The following IGF2 variants were observed in gnomAD, a reference collection of about 807,000 sequenced individuals.
IGF2 encodes insulin like growth factor 2.
IGF2 carries 2 observed loss-of-function variants against 12.0 expected under a neutral mutation model. The ratio of observed to expected loss-of-function variants is 0.17; its 90% CI spans 0.07 to 0.52. The LOEUF (loss-of-function observed/expected upper bound fraction) is 0.52, where lower values mean the gene tolerates loss of function less well. IGF2 is among the 20% of genes least tolerant of loss of function. The pLI is 0.95. For missense variants in IGF2, 211 were observed against 268.0 expected, an observed-to-expected ratio of 0.79 and a Z score of 1.48; for synonymous variants, 105 against 110.1, an observed-to-expected ratio of 0.95 and a Z score of 0.29.
chr11:2,135,811 T>A (rs1304025707), intron 1 of IGF2, among the ~76,000 whole-genome samples: 1 of 152,152 alleles, frequency 6.6e-6, no homozygotes, highest in African/African-American at 2.4e-5. Flanking sequence ...GGGGTGACCA[T>A]CTCCACGGTC....
chr11:2,136,482 C>T (rs1348432897), intron 1 of IGF2, among the ~76,000 whole-genome samples: 2 of 152,256 alleles, frequency 1.3e-5, no homozygotes, highest in Non-Finnish European at 2.9e-5. Context: ...GGCTGCAGGG[C>T]CACAGGGCCG....
rs867858969 is a variant in IGF2, at chr11:2,135,267, G to A, written c.157+100C>T. On this transcript the variant is annotated intron_variant, in intron 2 of 3. Coordinates refer to ENST00000416167, the MANE Select transcript of IGF2 (RefSeq NM_000612.6). ...AAGTCTCAGAGCAAGCGGCTGGGCTGCTGACCTAGGAGTGTGCTCCCCTGG... is the reference window on the plus strand; with the variant it reads ...AAGTCTCAGAGCAAGCGGCTGGGCTACTGACCTAGGAGTGTGCTCCCCTGG... The A allele has an allele frequency of 7.2e-6, 8 of 1,105,910 alleles. No individual in the cohort carries two copies. The Middle Eastern group carries it at 1.8e-3, about 254-fold the overall frequency. The allele number at this position is 1,105,910 out of a possible 1,614,324, so 68.5% of individuals were successfully genotyped here. A position where few individuals can be genotyped will look rare whatever the true frequency, so the allele number is the denominator to read the frequency against.
chr11:2,133,127 G>A lies in IGF2; in HGVS notation c.403C>T (p.Arg135Cys), dbSNP rs1459983752. ...GCGAGCACGTGACCCCGGCGGGCAC[G>A]CAGGAGGGCAGGCAGGCCCCTGCGC... ...RLRRGLPALL[R>C]ARRGHVLAKE... is the part of the protein sequence containing the mutation. The change falls in exon 4 of 4, where the codon CGT becomes TGT. Residue 135 changes from arginine (R) to cysteine (C), a missense_variant. Coordinates refer to ENST00000416167, the MANE Select transcript of IGF2 (RefSeq NM_000612.6). This position sits in a 1 kb window ranked among gnomAD's most constrained non-coding sequence, Gnocchi z 8.9. 1.1e-5 allele frequency: 17 copies of A among 1,605,268 alleles called. No individual in the cohort carries two copies. Among genetic ancestry groups the A allele is most frequent in the African/African-American group, 2.7e-5 (2 of 74,656 alleles).
the IGF2 span, chr11:2,146,769 C>T: frequency 4.0e-5 from 9 of 227,174 alleles, no homozygotes; most frequent in African/African-American, 1.8e-4. Context: ...GGTACAGGGA[C>T]TCCAATCCAT....
chr11:2,137,573 A>C (rs1859168327), intron 1 of IGF2, among the ~76,000 whole-genome samples: 1 of 148,378 alleles, frequency 6.7e-6, no homozygotes. Flanking sequence ...GGAAACTTCC[A>C]CGCTGCCCAC....
At chr11:2,149,028 C>T in the IGF2 span, 1 of 1,167,574 alleles carries the variant, frequency 8.6e-7, no homozygotes, top group Non-Finnish European at 1.3e-6. Context: ...CTTCAGAAAC[C>T]AGGATCCTGG....
In IGF2 at chr11:2,131,531, GTGTGTGTGC is replaced by G. The variant is rs1328399364; in HGVS notation, c.*1447_*1455del. On this transcript the variant is annotated 3_prime_UTR_variant, in exon 4 of 4. Coordinates refer to ENST00000416167, the MANE Select transcript of IGF2 (RefSeq NM_000612.6). Reference sequence around the variant, plus strand: ...GTGTTCATGTATGTGCTGCGCATGAGTGTGTGTGCTGTGTGTGCATGTGTGTGCTGTGTG... The same window carrying G: ...GTGTTCATGTATGTGCTGCGCATGAGTGTGTGTGCATGTGTGTGCTGTGTG... The G allele has an allele frequency of 3.4e-5, 7 of 207,060 alleles. No homozygotes were observed. Among genetic ancestry groups the G allele is most frequent in the Non-Finnish European group, 5.4e-5 (6 of 111,154 alleles). 12.8% of individuals were successfully genotyped at this position (207,060 alleles called of 1,614,324 possible). A position where few individuals can be genotyped will look rare whatever the true frequency, so the allele number is the denominator to read the frequency against.
chr11:2,141,046 C>T, upstream of IGF2: 1 of 240,522 alleles, frequency 4.2e-6, no homozygotes, highest in Non-Finnish European at 8.4e-6. Context: ...AGACTGGGGG[C>T]AATGCCCGGT....
chr11:2,133,789 G>A lies in IGF2; in HGVS notation c.158-124C>T, dbSNP rs1231393570. 8.4e-7 allele frequency: 1 copy of A among 1,192,838 alleles called. No homozygotes were observed. The highest frequency in any genetic ancestry group is 1.2e-6 in the Non-Finnish European group (1 of 848,580). 73.9% of individuals were successfully genotyped at this position (1,192,838 alleles called of 1,614,324 possible). A position where few individuals can be genotyped will look rare whatever the true frequency, so the allele number is the denominator to read the frequency against. On this transcript the variant is annotated intron_variant, in intron 2 of 3. Coordinates refer to ENST00000416167, the MANE Select transcript of IGF2 (RefSeq NM_000612.6). This position sits in a 1 kb window ranked among gnomAD's most constrained non-coding sequence, Gnocchi z 8.9. ...GGCCCTGGAAGGACGCAGCCACCCT[G>A]CGGGTCAGGGGAGGGAAGTGAGAGC...
chr11:2,141,843 A>T (rs963006885), upstream of IGF2, among the ~76,000 whole-genome samples: 1 of 152,256 alleles, frequency 6.6e-6, no homozygotes, highest in Non-Finnish European at 1.5e-5. Flanking sequence ...AAAAAATAAA[A>T]AAATAAAAAA....
At position 2,138,650 on chromosome 11, in the gene IGF2, G is replaced by A; in HGVS notation, c.-428C>T. The stretch of plus-strand genomic sequence containing the variant: ...GGAGAGAACAGCACGGAGAGAAACA[G>A]AAAGCGTGTAATTAATCCACTTTGG... On this transcript the variant is annotated 5_prime_UTR_variant, in exon 1 of 4. Transcript: ENST00000416167. The A allele has an allele frequency of 1.0e-6, 1 of 974,414 alleles. No individual in the cohort carries two copies. 60.4% of individuals were successfully genotyped at this position (974,414 alleles called of 1,614,324 possible). A position where few individuals can be genotyped will look rare whatever the true frequency, so the allele number is the denominator to read the frequency against.
chr11:2,138,091 T>C (rs1225330450), intron 1 of IGF2, 138 bp downstream of exon 1: 3 of 367,550 alleles, frequency 8.2e-6, no homozygotes, highest in Non-Finnish European at 1.1e-5. Flanking sequence ...CTCCTCCTCC[T>C]CCTCCCCCCC....
At chr11:2,146,189 A>G (rs561250499), upstream of IGF2, 45 of 516,118 alleles carry the variant, frequency 8.7e-5, no homozygotes, top group Non-Finnish European at 1.7e-4. Flanking sequence ...GCTGCTCCCC[A>G]TCCCCTCGCT....
chr11:2,144,186 G>T (rs1307723739), upstream of IGF2, among the ~76,000 whole-genome samples: 1 of 152,122 alleles, frequency 6.6e-6, no homozygotes, highest in Admixed American at 6.5e-5. Flanking sequence ...CCCAAGGGCC[G>T]CGAGGGAGCG....
upstream of IGF2, among the ~76,000 whole-genome samples, chr11:2,144,618 T>C (rs1244978796): frequency 6.6e-6 from 1 of 152,204 alleles, no homozygotes; most frequent in East Asian, 1.9e-4. Flanking sequence ...GGAAAGTCTG[T>C]CCACTCCGGC....
upstream of IGF2, among the ~76,000 whole-genome samples, chr11:2,142,402 C>T (rs1362208003): frequency 6.6e-6 from 1 of 152,034 alleles, no homozygotes; most frequent in African/African-American, 2.4e-5. The surrounding 1 kb of genome is among the most constrained non-coding windows in gnomAD (Gnocchi z 5.7). Flanking sequence ...ATTCAGAATT[C>T]CTAGGTCTTA....
At chr11:2,144,984 A>C (rs1390938243), upstream of IGF2, among the ~76,000 whole-genome samples, 1 of 152,154 alleles carries the variant, frequency 6.6e-6, no homozygotes, top group Non-Finnish European at 1.5e-5. Context: ...CATCTCTTTC[A>C]CATTAGCTTG....
chr11:2,135,311 C>T, intron 2 of IGF2, 56 bp downstream of exon 2: 2 of 1,466,918 alleles, frequency 1.4e-6, no homozygotes, highest in Non-Finnish European at 1.8e-6. Context: ...TGGGCGTCCT[C>T]ACCGGTCACT....
upstream of IGF2, chr11:2,141,374 A>C (rs186687164): frequency 1.3e-5 from 2 of 152,396 alleles, no homozygotes; most frequent in East Asian, 3.9e-4. Flanking sequence ...AACCGTGATT[A>C]ATGACTAAAC....
Sources: gnomAD v4.1 joint callset for allele counts (sites outside exome capture counted in the v4.1 genomes callset) on GRCh38, gnomAD v4.1.1 for gene constraint, Gnocchi (gnomAD v3.1) non-coding constraint, MANE v1.5 for transcripts, NCBI Gene and HGNC (gene_info 2026-07-23, HGNC 2026-07-21) for gene names.